LSM14A: variants seen among roughly 807,000 people sequenced by gnomAD.
The protein encoded by LSM14A is protein LSM14 homolog A.
LSM14A carries 14 observed loss-of-function variants against 52.4 expected under a neutral mutation model. The ratio of observed to expected loss-of-function variants is 0.27; its 90% CI spans 0.18 to 0.42. LSM14A has a LOEUF of 0.42. Ranked by LOEUF, LSM14A falls within the 10% of genes least tolerant of loss-of-function variation. The probability of loss-of-function intolerance (pLI) is 1.00; values close to 1 mark genes in which losing one functional copy is unlikely to be tolerated. For missense variants in LSM14A, 417 were observed against 581.8 expected (o/e 0.72, Z 2.91); for synonymous variants, 185 against 200.3 (o/e 0.92, Z 0.64).
At chr19:34,201,231 A>C (rs577543093) in intron 3 of LSM14A, among the ~76,000 whole-genome samples, 1 of 152,300 alleles carries the variant, frequency 6.6e-6, no homozygotes, top group Admixed American at 6.5e-5. Context: ...TGGTTAGGAT[A>C]ATTTGTGGAG....
intron 6 of LSM14A, among the ~76,000 whole-genome samples, chr19:34,218,055 G>A (rs1257493742): frequency 6.8e-6 from 1 of 147,106 alleles, no homozygotes; most frequent in Non-Finnish European, 1.5e-5. Flanking sequence ...CCAGGCTGGA[G>A]TGTAGTGGTG....
intron 6 of LSM14A, among the ~76,000 whole-genome samples, chr19:34,217,026 C>A (rs908560162): frequency 9.2e-5 from 14 of 152,140 alleles, no homozygotes; most frequent in Non-Finnish European, 1.6e-4. Context: ...CTTTGGGACG[C>A]CGAGGCGGGC....
At chr19:34,213,210 T>C (rs1303656643) in intron 4 of LSM14A, among the ~76,000 whole-genome samples, 1 of 151,844 alleles carries the variant, frequency 6.6e-6, no homozygotes, top group Non-Finnish European at 1.5e-5. Context: ...GTTTTTTTCA[T>C]AGGCCAAAAC....
chr19:34,194,025 T>C (rs572056339), intron 1 of LSM14A, among the ~76,000 whole-genome samples: 1 of 152,226 alleles, frequency 6.6e-6, no homozygotes, highest in South Asian at 2.1e-4. Context: ...TAAAAAAAGT[T>C]AGCTGGGCTT....
At chr19:34,219,310 TAA>T in intron 6 of LSM14A, 79 bp from the exon 7 acceptor site, 1 of 853,832 alleles carries the variant, frequency 1.2e-6, no homozygotes, top group Non-Finnish European at 1.8e-6. Context: ...CTGTTGAATC[TAA>T]AGAGCACAAT....
chr19:34,187,380 G>A (rs2070003707), intron 1 of LSM14A, among the ~76,000 whole-genome samples: 1 of 151,998 alleles, frequency 6.6e-6, no homozygotes. Context: ...TGGGGTTCAG[G>A]CAATTCTCAT....
intron 8 of LSM14A, among the ~76,000 whole-genome samples, chr19:34,220,383 A>G (rs1344951677): frequency 1.3e-5 from 2 of 152,238 alleles, no homozygotes; most frequent in African/African-American, 4.8e-5. Flanking sequence ...GAATATTAGC[A>G]ATTAAAACAA....
intron 9 of LSM14A, among the ~76,000 whole-genome samples, chr19:34,224,826 C>T (rs1344836525): frequency 2.6e-5 from 4 of 152,188 alleles, no homozygotes; most frequent in East Asian, 3.8e-4. Flanking sequence ...CTATGTTGAG[C>T]ATTGGTGCTG....
intron 9 of LSM14A, chr19:34,226,583 G>A (rs920566980): frequency 2.4e-6 from 2 of 850,464 alleles, no homozygotes; most frequent in Non-Finnish European, 3.5e-6. Flanking sequence ...GTTTAATAAC[G>A]GGGTGCAAAT....
chr19:34,185,394 T>C (rs966680329), intron 1 of LSM14A, among the ~76,000 whole-genome samples: 6 of 152,180 alleles, frequency 3.9e-5, no homozygotes, highest in Admixed American at 3.3e-4. Context: ...GACAGATGTT[T>C]TCATTCAGTG....
chr19:34,221,889 G>C, intron 9 of LSM14A, 151 bp downstream of exon 9: 1 of 1,393,854 alleles, frequency 7.2e-7, no homozygotes, highest in Non-Finnish European at 9.4e-7. Context: ...ACGTGATTCA[G>C]ATGTATATAT....
chr19:34,185,611 G>A (rs548945842), intron 1 of LSM14A, among the ~76,000 whole-genome samples: 12 of 152,234 alleles, frequency 7.9e-5, no homozygotes, highest in African/African-American at 2.9e-4. Context: ...TACCTTCAGG[G>A]CCTGAGCAAG....
chr19:34,219,616 C>A (rs763894020), intron 7 of LSM14A, 43 bp downstream of exon 7: 1 of 1,578,186 alleles, frequency 6.3e-7, no homozygotes, highest in East Asian at 2.2e-5. Flanking sequence ...CTTATTTGAT[C>A]TGTGAATTAC....
At chr19:34,194,432 ATGT>A (rs1249936933) in intron 1 of LSM14A, 43 bp from the exon 2 acceptor site, 1 of 1,531,112 alleles carries the variant, frequency 6.5e-7, no homozygotes, top group Admixed American at 1.7e-5. Flanking sequence ...TACTACCTGA[ATGT>A]GATGAGTAGT....
At position 34,196,690 on chromosome 19, in the gene LSM14A, C is replaced by G. The variant is rs781018177; in HGVS notation, c.342C>G (p.Phe114Leu). ...SFQSMGSYGP[F>L]GRMPTYSQFS... ...AGTCCATGGGTTCTTATGGACCTTT[C>G]GGCAGGATGCCCACATACAGTCAGT... Residue 114 changes from phenylalanine (F) to leucine (L), a missense_variant, in exon 3 of 10, where the codon TTC becomes TTG. Phe to Leu is a conservative substitution (Grantham distance 22, BLOSUM62 0). This residue lies in a region of LSM14A where 357 missense variants were observed against 457.0 expected (regional missense o/e 0.78). Coordinates refer to ENST00000544216, the MANE Select transcript of LSM14A (RefSeq NM_015578.4). 1.2e-5 allele frequency: 19 copies of G among 1,613,368 alleles called. No individual in the cohort carries two copies. The highest frequency in any genetic ancestry group is 1.6e-5 in the Non-Finnish European group (19 of 1,179,832).
At chr19:34,207,781 G>A (rs551454257) in intron 3 of LSM14A, among the ~76,000 whole-genome samples, 4 of 151,974 alleles carry the variant, frequency 2.6e-5, no homozygotes, top group South Asian at 2.1e-4. Flanking sequence ...TGCCCACCTC[G>A]GCCTCCCAAA....
intron 1 of LSM14A, among the ~76,000 whole-genome samples, chr19:34,181,104 T>C (rs766430417): frequency 6.6e-6 from 1 of 152,180 alleles, no homozygotes; most frequent in Non-Finnish European, 1.5e-5. Flanking sequence ...CTGATCAATA[T>C]GGATAAACTG....
intron 6 of LSM14A, among the ~76,000 whole-genome samples, chr19:34,216,406 C>CT (rs1568497241): frequency 6.7e-6 from 1 of 149,790 alleles, no homozygotes; most frequent in Admixed American, 6.8e-5. Flanking sequence ...GAGCCAGACT[C>CT]TGTCTCAAAA....
At chr19:34,207,675 G>A (rs1186548679) in intron 3 of LSM14A, among the ~76,000 whole-genome samples, 1 of 152,040 alleles carries the variant, frequency 6.6e-6, no homozygotes, top group Non-Finnish European at 1.5e-5. Context: ...GGGACTGCAG[G>A]CATGCGCCAC....
Sources: allele counts gnomAD v4.1 joint callset (sites outside exome capture counted in the v4.1 genomes callset), GRCh38; gene constraint gnomAD v4.1.1; regional missense constraint gnomAD v4.1.1; transcripts MANE v1.5; gene names NCBI Gene and HGNC (gene_info 2026-07-23, HGNC 2026-07-21).